Variants in ROBO2 observed in about 807,000 individuals in gnomAD.
The protein encoded by ROBO2 is roundabout homolog 2.
In ROBO2, 53 loss-of-function variants were observed where a neutral mutation model predicts 160.8. The observed-to-expected ratio is 0.33, with a 90% CI of 0.26 to 0.41. The LOEUF is 0.41. Among genes scored for constraint, ROBO2 ranks in the 10% least tolerant of loss-of-function variants. The pLI is 1.00. For missense variants in ROBO2, 1,577 were observed against 1,722.4 expected (o/e 0.92, Z 1.49); for synonymous variants, 664 against 611.7 (o/e 1.09, Z -1.26).
chr3:77,503,043 C>A (rs963097001), intron 5 of ROBO2, among the ~76,000 whole-genome samples: 27 of 151,826 alleles, frequency 1.8e-4, no homozygotes, highest in African/African-American at 6.5e-4. Flanking sequence ...AATAACAATT[C>A]TATATTTTAA....
intron 2 of ROBO2, among the ~76,000 whole-genome samples, chr3:77,189,195 A>G (rs1487539682): frequency 6.6e-6 from 1 of 151,854 alleles, no homozygotes; most frequent in Non-Finnish European, 1.5e-5. Context: ...GATGTAACAA[A>G]TTTTGTAAAT....
At chr3:75,981,734 T>G (rs1026044114) in intron 2 of ROBO2, among the ~76,000 whole-genome samples, 10 of 151,392 alleles carry the variant, frequency 6.6e-5, no homozygotes, top group Admixed American at 6.6e-5. Flanking sequence ...GAATGGGGTA[T>G]CCATTCCCTA....
chr3:77,124,508 G>A (rs1430835289), intron 2 of ROBO2, among the ~76,000 whole-genome samples: 1 of 152,108 alleles, frequency 6.6e-6, no homozygotes, highest in Non-Finnish European at 1.5e-5. Context: ...GGAGTCAGTA[G>A]TATGTATATA....
At chr3:76,627,691 A>C (rs1470440616) in intron 2 of ROBO2, among the ~76,000 whole-genome samples, 9 of 149,700 alleles carry the variant, frequency 6.0e-5, no homozygotes. Context: ...AAAAAAGTGC[A>C]ATGAACACTG....
intron 2 of ROBO2, among the ~76,000 whole-genome samples, chr3:76,205,730 G>A (rs1049844391): frequency 6.6e-6 from 1 of 152,114 alleles, no homozygotes; most frequent in African/African-American, 2.4e-5. Flanking sequence ...GTCTCTGGGG[G>A]CCATGCCATC....
intron 2 of ROBO2, among the ~76,000 whole-genome samples, chr3:76,387,321 T>C (rs1006416254): frequency 6.6e-6 from 1 of 152,116 alleles, no homozygotes; most frequent in Non-Finnish European, 1.5e-5. Context: ...CAGTAGCAGA[T>C]CAGAAAGGAA....
intron 2 of ROBO2, among the ~76,000 whole-genome samples, chr3:76,356,493 A>G (rs145243973): frequency 1.7e-3 from 260 of 151,788 alleles, no homozygotes; most frequent in African/African-American, 6.0e-3. Flanking sequence ...ATACAAAAGT[A>G]TAAGAAAGCT....
chr3:77,072,026 A>T (rs538471573), intron 1 of ROBO2, among the ~76,000 whole-genome samples: 1 of 152,174 alleles, frequency 6.6e-6, no homozygotes, highest in South Asian at 2.1e-4. Flanking sequence ...GTGAAACTTC[A>T]TCTGTATTTA....
At chr3:76,518,930 G>A (rs1028943801) in intron 2 of ROBO2, among the ~76,000 whole-genome samples, 4 of 152,134 alleles carry the variant, frequency 2.6e-5, no homozygotes, top group Admixed American at 6.6e-5. Flanking sequence ...GGAGAAAGAC[G>A]TACAAACTCA....
In ROBO2 at chr3:77,391,760, T is replaced by C. The variant is rs201123219; in HGVS notation, c.389-85654T>C. 1.3e-4 allele frequency among the ~76,000 whole-genome samples: 20 copies of C among 152,246 alleles called. No individual in the cohort carries two copies. In the East Asian group the frequency reaches 3.9e-3, roughly 29 times the overall value. ...TTTTAGTAGAGACGAGGCCTCATTA[T>C]GTTGCCCAGGCTGGTCTTGAACTCC... On this transcript the variant is annotated intron_variant, in intron 2 of 25. Transcript: ENST00000461745.
chr3:76,285,529 T>C (rs1708465504), intron 2 of ROBO2, among the ~76,000 whole-genome samples: 1 of 152,082 alleles, frequency 6.6e-6, no homozygotes, highest in African/African-American at 2.4e-5. Context: ...CCTCAAGAGC[T>C]TGAAGAAAAT....
chr3:76,456,721 A>T (rs1258321234), intron 2 of ROBO2, among the ~76,000 whole-genome samples: 3 of 152,106 alleles, frequency 2.0e-5, no homozygotes, highest in Admixed American at 1.3e-4. Context: ...GTCCATTTTC[A>T]TGTTGCTGGT....
chr3:75,937,839 TTTTATA>T (rs1559767377), intron 2 of ROBO2, among the ~76,000 whole-genome samples: 3 of 33,104 alleles, frequency 9.1e-5, no homozygotes, highest in Non-Finnish European at 1.6e-4. Flanking sequence ...TTGGAATTGA[TTTTATA>T]TATATATATA....
At chr3:75,919,556 G>T (rs1946942947) in intron 1 of ROBO2, among the ~76,000 whole-genome samples, 2 of 152,188 alleles carry the variant, frequency 1.3e-5, no homozygotes, top group South Asian at 4.1e-4. Flanking sequence ...CTCATAAAAT[G>T]AGTTAGGGAG....
At chr3:76,634,939 T>C (rs2090243474) in intron 2 of ROBO2, among the ~76,000 whole-genome samples, 1 of 152,196 alleles carries the variant, frequency 6.6e-6, no homozygotes, top group Non-Finnish European at 1.5e-5. Context: ...GAATTGCGCA[T>C]GCAAGGGATC....
chr3:77,582,723 G>C (rs2093951807), intron 16 of ROBO2, among the ~76,000 whole-genome samples: 1 of 151,838 alleles, frequency 6.6e-6, no homozygotes, highest in African/African-American at 2.4e-5. Flanking sequence ...TTACTTCTAT[G>C]TAATAAACAG....
chr3:75,967,242 C>T (rs988570167), intron 2 of ROBO2, among the ~76,000 whole-genome samples: 5 of 151,602 alleles, frequency 3.3e-5, no homozygotes, highest in Non-Finnish European at 5.9e-5. Context: ...CCAGTATATA[C>T]TGCCAATTTG....
chr3:76,010,330 G>C (rs2107608250), intron 2 of ROBO2, among the ~76,000 whole-genome samples: 1 of 152,332 alleles, frequency 6.6e-6, no homozygotes, highest in Middle Eastern at 3.4e-3. Context: ...GTTATACCTG[G>C]TTCTTTGTCT....
intron 2 of ROBO2, among the ~76,000 whole-genome samples, chr3:76,405,603 C>T (rs374523003): frequency 1.3e-5 from 2 of 151,632 alleles, no homozygotes; most frequent in African/African-American, 4.8e-5. Flanking sequence ...CAGGTAGTCC[C>T]GGTTACTTAT....
Sources: allele counts gnomAD v4.1 joint callset (sites outside exome capture counted in the v4.1 genomes callset), GRCh38; gene constraint gnomAD v4.1.1; transcripts MANE v1.5; gene names NCBI Gene and HGNC (gene_info 2026-07-23, HGNC 2026-07-21).